HACL1: variants seen among roughly 807,000 people sequenced by gnomAD.
The protein encoded by HACL1 is 1600020H07Rik.
HACL1 carries 64 observed loss-of-function variants against 74.2 expected under a neutral mutation model. The ratio of observed to expected loss-of-function variants is 0.86; its 90% confidence interval spans 0.70 to 1.06. The LOEUF is 1.06. Ranked by LOEUF, HACL1 falls within the 50% of genes least tolerant of loss-of-function variation. HACL1 has a pLI of 0.00. For missense variants in HACL1, 728 were observed against 719.7 expected, an observed-to-expected ratio of 1.01 and a Z score of -0.13; for synonymous variants, 230 against 238.8, an observed-to-expected ratio of 0.96 and a Z score of 0.34.
At chr3:15,567,376 ATTTTTTT>A (rs1021804368) in intron 14 of HACL1, among the ~76,000 whole-genome samples, 29 of 140,284 alleles carry the variant, frequency 2.1e-4, no homozygotes, top group Non-Finnish European at 4.2e-4. Context: ...CGTCTGGCTA[ATTTTTTT>A]TTTTTTTTGT....
chr3:15,581,676 A>G (rs2063717586), intron 8 of HACL1, among the ~76,000 whole-genome samples: 1 of 152,174 alleles, frequency 6.6e-6, no homozygotes, highest in South Asian at 2.1e-4. Flanking sequence ...CATACTATCT[A>G]CACAAGCAAA....
chr3:15,581,502 T>C (rs1300436722), intron 8 of HACL1, among the ~76,000 whole-genome samples: 1 of 152,222 alleles, frequency 6.6e-6, no homozygotes, highest in Admixed American at 6.5e-5. Flanking sequence ...AATAGTTCCT[T>C]TTCTTTAATC....
intron 15 of HACL1, 42 bp from the exon 16 acceptor site, chr3:15,563,586 A>G (rs2063383173): frequency 7.8e-7 from 1 of 1,289,128 alleles, no homozygotes; most frequent in South Asian, 1.3e-5. Flanking sequence ...TAAATCTTAA[A>G]CCTTGTAGAA....
chr3:15,567,206 CTTTTTTT>C (rs34317560), intron 14 of HACL1, among the ~76,000 whole-genome samples: 2 of 81,076 alleles, frequency 2.5e-5, no homozygotes, highest in Non-Finnish European at 4.8e-5. Flanking sequence ...GCCATGCTGC[CTTTTTTT>C]TTTTTTTTTT....
rs772536598 is a variant in HACL1 at position 15,564,657 on chromosome 3, A to C, written c.1411T>G (p.Tyr471Asp). Reference sequence around the variant, plus strand: ...ACCAACAGTATGATTGGCAAGTTGTACCTAAAGTGAGAGTAAAATATGAAG... The same window carrying C: ...ACCAACAGTATGATTGGCAAGTTGTCCCTAAAGTGAGAGTAAAATATGAAG... ...SGMEVETICR[Y>D]NLPIILLVVN... Residue 471 changes from tyrosine (Y) to aspartate (D), a missense_variant and splice_region_variant, in exon 15 of 17, where the codon TAC (tyrosine) becomes GAC (aspartate). Transcript: ENST00000321169. The C allele has an allele frequency of 7.5e-7, 1 of 1,325,310 alleles. No individual in the cohort carries two copies. The highest frequency in any genetic ancestry group is 1.1e-6 in the Non-Finnish European group (1 of 933,718). The allele number at this position is 1,325,310 out of a possible 1,614,324, so 82.1% of individuals were successfully genotyped here.
intron 2 of HACL1, 60 bp downstream of exon 2, chr3:15,601,030 A>C (rs1574958376): frequency 1.0e-6 from 1 of 1,004,480 alleles, no homozygotes; most frequent in African/African-American, 1.6e-5. Flanking sequence ...TGCAATGCAT[A>C]CCTACCGCTA....
chr3:15,599,987 A>T lies in HACL1; in HGVS notation c.186+1103T>A, dbSNP rs560725484. Among the ~76,000 whole-genome samples the T allele has an allele frequency of 9.8e-5, 15 of 152,350 alleles. No individual in the cohort carries two copies. In the South Asian group the frequency reaches 2.9e-3, roughly 29 times the overall value. On this transcript the variant is annotated intron_variant, in intron 2 of 16. Transcript: ENST00000321169. ...GAAAGAACAGAATGTTGTTCTAACAAAGACAAGTAAAATGTAGAAGCAACA... is the reference window on the plus strand; with the variant it reads ...GAAAGAACAGAATGTTGTTCTAACATAGACAAGTAAAATGTAGAAGCAACA...
At chr3:15,588,966 C>A (rs550581751) in intron 5 of HACL1, among the ~76,000 whole-genome samples, 7 of 152,176 alleles carry the variant, frequency 4.6e-5, no homozygotes, top group Admixed American at 1.3e-4. Context: ...CTTTAAGAGC[C>A]TATTTTCAGA....
At chr3:15,600,954 T>G in intron 2 of HACL1, 136 bp downstream of exon 2, 1 of 654,258 alleles carries the variant, frequency 1.5e-6, no homozygotes. Flanking sequence ...CAACAGTTAA[T>G]ATTCAACAGT....
chr3:15,572,771 A>G (rs2063558491), intron 11 of HACL1, among the ~76,000 whole-genome samples: 1 of 152,250 alleles, frequency 6.6e-6, no homozygotes, highest in Non-Finnish European at 1.5e-5. Context: ...TTTTACCTAA[A>G]GAAATACTTT....
chr3:15,576,628 C>A (rs2063631664), intron 9 of HACL1, among the ~76,000 whole-genome samples: 1 of 152,130 alleles, frequency 6.6e-6, no homozygotes, highest in Non-Finnish European at 1.5e-5. Flanking sequence ...CTAATCTAAT[C>A]TAATCTGAAT....
intron 12 of HACL1, among the ~76,000 whole-genome samples, chr3:15,569,284 C>T (rs936710898): frequency 3.9e-5 from 6 of 152,142 alleles, no homozygotes; most frequent in South Asian, 2.1e-4. Context: ...AAAGAGGGAC[C>T]CTCCTATACT....
chr3:15,592,201 T>TACAC (rs2063928792), intron 3 of HACL1, among the ~76,000 whole-genome samples: 5 of 150,430 alleles, frequency 3.3e-5, no homozygotes, highest in Non-Finnish European at 5.9e-5. Context: ...CGTATATATG[T>TACAC]ATACATGCGT....
At chr3:15,591,869 T>C (rs1017142733) in intron 3 of HACL1, among the ~76,000 whole-genome samples, 189 bp from the exon 4 acceptor site, 2 of 150,730 alleles carry the variant, frequency 1.3e-5, no homozygotes, top group Non-Finnish European at 3.0e-5. Flanking sequence ...GCGATATATA[T>C]ACATACACAC....
chr3:15,562,492 G>T (rs1026223175), intron 16 of HACL1, among the ~76,000 whole-genome samples: 1 of 152,074 alleles, frequency 6.6e-6, no homozygotes, highest in Non-Finnish European at 1.5e-5. Flanking sequence ...TGATTATCCA[G>T]GTATCTGTTT....
intron 9 of HACL1, among the ~76,000 whole-genome samples, chr3:15,578,337 A>C (rs2063661653): frequency 6.6e-6 from 1 of 152,148 alleles, no homozygotes; most frequent in African/African-American, 2.4e-5. Flanking sequence ...AAGACATTTC[A>C]AGAAATTAAA....
At chr3:15,560,954 T>C (rs970490094) in intron 16 of HACL1, 57 bp from the exon 17 acceptor site, 1 of 1,259,812 alleles carries the variant, frequency 7.9e-7, no homozygotes, top group African/African-American at 1.5e-5. Context: ...TCAAATTATA[T>C]CCTCATTGTT....
At chr3:15,573,394 C>A in intron 10 of HACL1, 152 bp from the exon 11 acceptor site, 1 of 589,502 alleles carries the variant, frequency 1.7e-6, no homozygotes, top group Non-Finnish European at 3.0e-6. Context: ...AAGTAAAAGT[C>A]CATAGAACTA....
intron 3 of HACL1, among the ~76,000 whole-genome samples, chr3:15,592,061 T>C (rs866513640): frequency 0.066 from 1,189 of 17,946 alleles, 22 homozygotes; most frequent in African/African-American, 0.16. Context: ...TATACGTATA[T>C]ATACGTATAT....
Sources: allele counts gnomAD v4.1 joint callset (sites outside exome capture counted in the v4.1 genomes callset), GRCh38; gene constraint gnomAD v4.1.1; transcripts MANE v1.5; gene names NCBI Gene and HGNC (gene_info 2026-07-23, HGNC 2026-07-21).